The following KCNB2 variants were observed in gnomAD, a reference collection of about 807,000 sequenced individuals.
KCNB2 encodes delayed rectifier potassium channel protein.
A neutral mutation model predicts 61.5 loss-of-function variants in KCNB2; 15 were observed. The ratio of observed to expected loss-of-function variants is 0.24; its 90% CI spans 0.16 to 0.38. The LOEUF (loss-of-function observed/expected upper bound fraction) is 0.38, where lower values mean the gene tolerates loss of function less well. Ranked by LOEUF, KCNB2 falls within the 10% of genes least tolerant of loss-of-function variation. The pLI, the probability that KCNB2 is intolerant of heterozygous loss-of-function variation, is 1.00. For missense variants in KCNB2, 828 were observed against 1,125.2 expected (o/e 0.74, Z 3.78); for synonymous variants, 457 against 446.0 (o/e 1.02, Z -0.31).
chr8:72,597,360 G>A (rs1243627220), intron 2 of KCNB2, among the ~76,000 whole-genome samples: 1 of 152,060 alleles, frequency 6.6e-6, no homozygotes, highest in African/African-American at 2.4e-5. Context: ...TAAATGACAG[G>A]ATCAACCCAC....
intron 2 of KCNB2, among the ~76,000 whole-genome samples, chr8:72,616,287 A>C (rs935273091): frequency 6.6e-6 from 1 of 152,226 alleles, no homozygotes; most frequent in African/African-American, 2.4e-5. Flanking sequence ...CTGTAATTTT[A>C]AAATCACTAT....
At chr8:72,676,023 CAG>C (rs1375055692) in intron 2 of KCNB2, among the ~76,000 whole-genome samples, 4 of 152,052 alleles carry the variant, frequency 2.6e-5, no homozygotes, top group Admixed American at 6.5e-5. Context: ...CACTTAAAGA[CAG>C]GGATATTTTC....
rs140844140 is a variant in KCNB2, at chr8:72,789,256, A to G, written c.580-146679A>G. Among the ~76,000 whole-genome samples, 24 of 152,310 alleles carry G rather than the reference A, an allele frequency of 1.6e-4. No homozygotes were observed. In the East Asian group the frequency reaches 1.9e-3, roughly 12 times the overall value. On this transcript the variant is annotated intron_variant, in intron 2 of 2. Transcript: ENST00000523207. ...AATGTTTGCAATAATATTGAGTTAAATACTGTTATTAACAACATTTTATGG... is the reference window on the plus strand; with the variant it reads ...AATGTTTGCAATAATATTGAGTTAAGTACTGTTATTAACAACATTTTATGG...
chr8:72,898,457 A>G (rs969354169), intron 2 of KCNB2, among the ~76,000 whole-genome samples: 1 of 152,104 alleles, frequency 6.6e-6, no homozygotes, highest in African/African-American at 2.4e-5. Flanking sequence ...AAAAGAAAAA[A>G]AAACATTGGA....
At chr8:72,583,894 A>G in intron 2 of KCNB2, among the ~76,000 whole-genome samples, 1 of 151,490 alleles carries the variant, frequency 6.6e-6, no homozygotes, top group Admixed American at 6.6e-5. Flanking sequence ...AATTATGAGG[A>G]AAAAAATGCT....
chr8:72,869,992 A>G (rs753380135), intron 2 of KCNB2, among the ~76,000 whole-genome samples: 6 of 152,246 alleles, frequency 3.9e-5, no homozygotes, highest in Non-Finnish European at 7.3e-5. Context: ...TATACATACA[A>G]TGGAATATTA....
chr8:72,538,455 G>C (rs1241429917), intron 1 of KCNB2, among the ~76,000 whole-genome samples: 1 of 152,128 alleles, frequency 6.6e-6, no homozygotes, highest in Non-Finnish European at 1.5e-5. Context: ...CTCATCATTT[G>C]CTCCCGATGC....
rs1810264452 is a variant in KCNB2, at chr8:72,859,706, C to CTTTTTTTTTTTTTTTTTTTTTTT, written c.580-76229_580-76228insTTTTTTTTTTTTTTTTTTTTTTT. 3.1e-4 allele frequency among the ~76,000 whole-genome samples: 23 copies of CTTTTTTTTTTTTTTTTTTTTTTT among 73,442 alleles called. 11 individuals carry two copies. Among genetic ancestry groups the CTTTTTTTTTTTTTTTTTTTTTTT allele is most frequent in the Non-Finnish European group, 2.9e-4 (12 of 41,246 alleles). 48.2% of individuals were successfully genotyped at this position (73,442 alleles called of 152,430 possible). On this transcript the variant is annotated intron_variant, in intron 2 of 2. Coordinates refer to ENST00000523207, the MANE Select transcript of KCNB2 (RefSeq NM_004770.3). ...TGTAGCATGGATCAGTACTTCATTT[C>CTTTTTTTTTTTTTTTTTTTTTTT]GTTTTTTTTTTTTTTTTTTTTTTTT...
chr8:72,690,072 A>G (rs2128989957), intron 2 of KCNB2, among the ~76,000 whole-genome samples: 1 of 151,894 alleles, frequency 6.6e-6, no homozygotes, highest in South Asian at 2.1e-4. Context: ...TAACAATTTA[A>G]AGCTAGGTAG....
At chr8:72,851,585 C>G (rs1810108787) in intron 2 of KCNB2, among the ~76,000 whole-genome samples, 1 of 151,916 alleles carries the variant, frequency 6.6e-6, no homozygotes, top group Admixed American at 6.6e-5. Flanking sequence ...TAGCACGAAC[C>G]CTTCGAGAAC....
At chr8:72,661,238 A>T (rs113162461) in intron 2 of KCNB2, 3,850 of 151,190 alleles carry the variant, frequency 0.025, 69 homozygotes, top group South Asian at 0.075. Flanking sequence ...CTGGTCTTGA[A>T]CTCCTGACCT....
chr8:72,721,531 A>G (rs980780439), intron 2 of KCNB2, among the ~76,000 whole-genome samples: 10 of 152,238 alleles, frequency 6.6e-5, no homozygotes, highest in African/African-American at 2.4e-4. Flanking sequence ...AAGAAACAAA[A>G]GAAAAATAAG....
At chr8:72,605,368 T>A (rs1455673055) in intron 2 of KCNB2, among the ~76,000 whole-genome samples, 1 of 152,196 alleles carries the variant, frequency 6.6e-6, no homozygotes, top group Admixed American at 6.5e-5. Context: ...TGTTGGTAGC[T>A]TTTGATTTTG....
chr8:72,766,159 A>C (rs2128996821), intron 2 of KCNB2, among the ~76,000 whole-genome samples: 1 of 152,270 alleles, frequency 6.6e-6, no homozygotes, highest in African/African-American at 2.4e-5. Flanking sequence ...GCTTATTCTC[A>C]AGCCTTGGCT....
chr8:72,888,114 G>GTTT (rs1182323686), intron 2 of KCNB2, among the ~76,000 whole-genome samples: 2 of 152,048 alleles, frequency 1.3e-5, no homozygotes, highest in Non-Finnish European at 2.9e-5. Flanking sequence ...TGTTGTTGTT[G>GTTT]TTGTTTGAGA....
At chr8:72,692,325 A>T (rs1806953367) in intron 2 of KCNB2, among the ~76,000 whole-genome samples, 1 of 149,478 alleles carries the variant, frequency 6.7e-6, no homozygotes, top group Admixed American at 6.7e-5. Context: ...TTTTTATTGT[A>T]TTTTACAATC....
At chr8:72,674,768 A>C (rs996664069) in intron 2 of KCNB2, among the ~76,000 whole-genome samples, 1 of 152,202 alleles carries the variant, frequency 6.6e-6, no homozygotes, top group African/African-American at 2.4e-5. Flanking sequence ...AGAAAACTGC[A>C]GGGTATAGCA....
intron 2 of KCNB2, among the ~76,000 whole-genome samples, chr8:72,612,733 A>T (rs999718974): frequency 6.6e-6 from 1 of 152,178 alleles, no homozygotes; most frequent in Non-Finnish European, 1.5e-5. Flanking sequence ...ATGCTACTGG[A>T]TGAAATAATT....
intron 2 of KCNB2, among the ~76,000 whole-genome samples, chr8:72,570,958 T>C (rs919971433): frequency 1.3e-5 from 2 of 152,274 alleles, no homozygotes; most frequent in African/African-American, 2.4e-5. Flanking sequence ...AAAAATATTC[T>C]TAAAATATTC....
Sources: allele counts gnomAD v4.1 joint callset (sites outside exome capture counted in the v4.1 genomes callset), GRCh38; gene constraint gnomAD v4.1.1; transcripts MANE v1.5; gene names NCBI Gene and HGNC (gene_info 2026-07-23, HGNC 2026-07-21).